Variants in VPS53 observed in about 807,000 individuals in gnomAD.
VPS53 encodes the protein vacuolar protein sorting-associated protein 53 homolog.
Under a neutral mutation model 107.0 loss-of-function variants are expected in VPS53, and 70 were observed. That is an observed-to-expected ratio of 0.65 (90% CI 0.54 to 0.80). VPS53 has a LOEUF of 0.80. Among genes scored for constraint, VPS53 ranks in the 30% least tolerant of loss-of-function variants. The pLI is 0.00. For synonymous variants in VPS53, 409 were observed against 393.3 expected, an observed-to-expected ratio of 1.04 and a Z score of -0.47; for missense variants, 917 against 1,049.4, an observed-to-expected ratio of 0.87 and a Z score of 1.74.
At position 670,265 on chromosome 17, in the gene VPS53, C is replaced by T. The variant is rs527547825; in HGVS notation, c.286-8370G>A. Among the ~76,000 whole-genome samples the T allele has an allele frequency of 8.5e-5, 13 of 152,158 alleles. 2 individuals carry two copies. The highest frequency in any genetic ancestry group is 7.7e-4 in the East Asian group (4 of 5,176). On this transcript the variant is annotated intron_variant, in intron 4 of 21. Transcript: ENST00000437048. ...CACTGGAGCCACAGCCTGTATCTGA[C>T]GGTGTTATAAAGCGGTGACTGCCGT...
chr17:597,588 G>C (rs532019231), intron 12 of VPS53, among the ~76,000 whole-genome samples: 1 of 152,248 alleles, frequency 6.6e-6, no homozygotes, highest in East Asian at 1.9e-4. Context: ...TGTCACCCAG[G>C]CTATAGTGCA....
intron 4 of VPS53, among the ~76,000 whole-genome samples, chr17:689,982 GAC>G (rs1404924487): frequency 6.6e-6 from 1 of 152,094 alleles, no homozygotes; most frequent in Admixed American, 6.6e-5. Flanking sequence ...AGCCCCGGAC[GAC>G]ACACACAGAC....
intron 17 of VPS53, 133 bp from the exon 18 acceptor site, chr17:537,309 G>C (rs952529549): frequency 4.7e-6 from 5 of 1,065,746 alleles, no homozygotes; most frequent in Non-Finnish European, 6.6e-6. Context: ...CTTTTGTCCT[G>C]GGGAGTTTCT....
intron 12 of VPS53, among the ~76,000 whole-genome samples, chr17:591,154 G>T (rs532082343): frequency 2.0e-5 from 3 of 152,282 alleles, no homozygotes; most frequent in African/African-American, 7.2e-5. Context: ...AGATTTTCTG[G>T]TTTATTTGCA....
chr17:589,098 T>C (rs923034893), intron 12 of VPS53, among the ~76,000 whole-genome samples: 18 of 151,922 alleles, frequency 1.2e-4, no homozygotes, highest in African/African-American at 4.3e-4. Flanking sequence ...ATTTAATTTT[T>C]TTCTTCTTTT....
chr17:658,233 C>G (rs1372279667), intron 5 of VPS53, among the ~76,000 whole-genome samples: 1 of 98,252 alleles, frequency 1.0e-5, no homozygotes, highest in Non-Finnish European at 2.4e-5. Context: ...GTGAGACACT[C>G]GGCCGTGAGT....
chr17:655,755 T>C, intron 6 of VPS53, 83 bp downstream of exon 6: 1 of 1,283,200 alleles, frequency 7.8e-7, no homozygotes, highest in Non-Finnish European at 1.1e-6. Context: ...CTTTCCTGGC[T>C]GAGAAGTAAA....
At chr17:633,515 A>T (rs1970049324) in intron 7 of VPS53, among the ~76,000 whole-genome samples, 1 of 152,004 alleles carries the variant, frequency 6.6e-6, no homozygotes, top group Non-Finnish European at 1.5e-5. Context: ...ACCTGCTGAG[A>T]TTTTTTTTCA....
At chr17:642,633 A>AACTGGGGACAACACTCATACTTGGC (rs1970474002) in intron 7 of VPS53, among the ~76,000 whole-genome samples, 1 of 146,626 alleles carries the variant, frequency 6.8e-6, no homozygotes, top group Non-Finnish European at 1.5e-5. Flanking sequence ...TCATACTTGG[A>AACTGGGGACAACACTCATACTTGGC]AAGCGAGGAC....
At chr17:594,389 C>T (rs1422979650) in intron 12 of VPS53, among the ~76,000 whole-genome samples, 1 of 152,254 alleles carries the variant, frequency 6.6e-6, no homozygotes, top group African/African-American at 2.4e-5. Context: ...GTGTGGGAGG[C>T]AAAGGCACTC....
At chr17:599,435 T>C (rs1968211434) in intron 12 of VPS53, among the ~76,000 whole-genome samples, 1 of 151,814 alleles carries the variant, frequency 6.6e-6, no homozygotes, top group Non-Finnish European at 1.5e-5. Context: ...TGGGATCCTG[T>C]TGATCTGTGA....
chr17:629,688 G>A (rs1330883721), intron 8 of VPS53, among the ~76,000 whole-genome samples: 3 of 151,648 alleles, frequency 2.0e-5, no homozygotes, highest in Non-Finnish European at 2.9e-5. Flanking sequence ...GCATGAACTC[G>A]GAAGGTGGAG....
In VPS53 at chr17:516,944, G is replaced by A. The variant is rs532180620; in HGVS notation, c.*2184C>T. ...CAACAATGAACCAAAAAGAGAAGTG[G>A]TGATCTGTACACAAACGCCAGGAGT... On this transcript the variant is annotated 3_prime_UTR_variant, in exon 22 of 22. Coordinates refer to ENST00000437048, the MANE Select transcript of VPS53 (RefSeq NM_001128159.3). 8.5e-5 allele frequency: 13 copies of A among 153,240 alleles called. No individual in the cohort carries two copies. The East Asian group carries it at 2.1e-3, about 25-fold the overall frequency. The allele number at this position is 153,240 out of a possible 1,614,324, so 9.5% of individuals were successfully genotyped here.
intron 11 of VPS53, among the ~76,000 whole-genome samples, chr17:608,139 A>G (rs2143011311): frequency 6.6e-6 from 1 of 152,334 alleles, no homozygotes; most frequent in South Asian, 2.1e-4. Context: ...GCTGACAGTC[A>G]GGACTGCAAG....
rs781564905 is a variant in VPS53 at position 697,415 on chromosome 17, T to C, written c.285+3A>G. ...AGGTAATATGGAGGAATGAGTTACTTACTTGCCGTCCATCCTGCCCCACGT... is the reference window on the plus strand; with the variant it reads ...AGGTAATATGGAGGAATGAGTTACTCACTTGCCGTCCATCCTGCCCCACGT... On this transcript the variant is annotated splice_donor_region_variant and intron_variant, in intron 4 of 21. Coordinates refer to ENST00000437048, the MANE Select transcript of VPS53 (RefSeq NM_001128159.3). 4.3e-6 allele frequency: 7 copies of C among 1,613,280 alleles called. No homozygotes were observed. Among genetic ancestry groups the C allele is most frequent in the African/African-American group, 1.3e-5 (1 of 75,022 alleles).
At chr17:658,560 C>A (rs1386906385) in intron 5 of VPS53, among the ~76,000 whole-genome samples, 1 of 149,950 alleles carries the variant, frequency 6.7e-6, no homozygotes, top group Non-Finnish European at 1.5e-5. Flanking sequence ...GAAACTTGGC[C>A]GTGAGTTCTT....
At chr17:559,855 T>TG (rs1411839535) in intron 15 of VPS53, among the ~76,000 whole-genome samples, 1 of 152,258 alleles carries the variant, frequency 6.6e-6, no homozygotes, top group East Asian at 1.9e-4. Flanking sequence ...GTCTTCCTTC[T>TG]GCTCCATCAG....
chr17:625,082 G>C (rs1317368634), intron 10 of VPS53, among the ~76,000 whole-genome samples: 1 of 150,786 alleles, frequency 6.6e-6, no homozygotes, highest in Admixed American at 6.6e-5. Context: ...ACCTTGACCT[G>C]GGCTCAAGCA....
intron 4 of VPS53, among the ~76,000 whole-genome samples, chr17:667,966 A>G (rs1256026794): frequency 6.6e-6 from 1 of 152,172 alleles, no homozygotes; most frequent in Non-Finnish European, 1.5e-5. Context: ...TGATTATCTG[A>G]GGTGGAACAG....
Sources: allele counts gnomAD v4.1 joint callset (sites outside exome capture counted in the v4.1 genomes callset), GRCh38; gene constraint gnomAD v4.1.1; transcripts MANE v1.5; gene names NCBI Gene and HGNC (gene_info 2026-07-23, HGNC 2026-07-21).